Variants in ANK2 observed in about 807,000 individuals in gnomAD.
The protein encoded by ANK2 is ankyrin-2.
In ANK2, 83 loss-of-function variants were observed where a neutral mutation model predicts 360.5. That is an observed-to-expected ratio of 0.23 (90% CI 0.19 to 0.28). The LOEUF (loss-of-function observed/expected upper bound fraction) is 0.28. Among genes scored for constraint, ANK2 ranks in the 10% least tolerant of loss-of-function variants. The pLI, the probability that ANK2 is intolerant of heterozygous loss-of-function variation, is 1.00. For missense variants in ANK2, 4,201 were observed against 4,795.7 expected, an observed-to-expected ratio of 0.88 and a Z score of 3.66; for synonymous variants, 1,740 against 1,759.5, an observed-to-expected ratio of 0.99 and a Z score of 0.28.
chr4:112,711,213 G>A, the ANK2 span, among the ~76,000 whole-genome samples: 2 of 150,448 alleles, frequency 1.3e-5, no homozygotes, highest in Admixed American at 1.3e-4. Context: ...AAAAAAGTCA[G>A]GGTCTCTCTG....
the ANK2 span, among the ~76,000 whole-genome samples, chr4:112,707,004 C>T: frequency 6.6e-6 from 1 of 152,140 alleles, no homozygotes; most frequent in African/African-American, 2.4e-5. Flanking sequence ...AGCACCAGCA[C>T]CTTAGGTTAT....
chr4:113,277,187 G>C (rs2060538207), intron 15 of ANK2, among the ~76,000 whole-genome samples: 1 of 152,180 alleles, frequency 6.6e-6, no homozygotes, highest in African/African-American at 2.4e-5. Flanking sequence ...GTGTTAATCA[G>C]CCCAACATCA....
At chr4:112,888,392 C>T (rs1003592285) in intron 1 of ANK2, among the ~76,000 whole-genome samples, 2 of 152,092 alleles carry the variant, frequency 1.3e-5, no homozygotes, top group East Asian at 1.9e-4. Flanking sequence ...TGTATAACTA[C>T]TACAACCTTT....
At chr4:113,320,053 A>G (rs2085210338) in intron 26 of ANK2, among the ~76,000 whole-genome samples, 1 of 152,178 alleles carries the variant, frequency 6.6e-6, no homozygotes, top group Non-Finnish European at 1.5e-5. Context: ...AAAATAAATC[A>G]TTTATATTTT....
chr4:113,224,795 G>A (rs1159814934), intron 4 of ANK2, among the ~76,000 whole-genome samples: 2 of 151,558 alleles, frequency 1.3e-5, no homozygotes, highest in African/African-American at 4.8e-5. Flanking sequence ...ATCTTTAGCT[G>A]AGTGGTAATA....
At chr4:113,262,787 C>T (rs747839580) in intron 13 of ANK2, among the ~76,000 whole-genome samples, 29 of 150,754 alleles carry the variant, frequency 1.9e-4, no homozygotes, top group Admixed American at 1.8e-3. Context: ...GCAAATACTA[C>T]ACCATTTTAT....
intron 38 of ANK2, 126 bp downstream of exon 38, chr4:113,359,425 T>A: frequency 8.1e-7 from 1 of 1,228,884 alleles, no homozygotes; most frequent in Non-Finnish European, 1.1e-6. Context: ...GTGGCTAATG[T>A]GTTTGTGTAA....
chr4:112,915,844 G>A (rs1561081721), intron 2 of ANK2, among the ~76,000 whole-genome samples: 1 of 150,882 alleles, frequency 6.6e-6, no homozygotes, highest in Non-Finnish European at 1.5e-5. Flanking sequence ...CATTATTGAG[G>A]CTTTGCAATT....
chr4:113,185,428 T>G (rs1464751822), intron 2 of ANK2, among the ~76,000 whole-genome samples: 2 of 152,238 alleles, frequency 1.3e-5, no homozygotes, highest in African/African-American at 4.8e-5. Flanking sequence ...AGATGGTATC[T>G]CATTGTGGTT....
intron 1 of ANK2, among the ~76,000 whole-genome samples, chr4:113,133,577 T>A (rs904844119): frequency 6.6e-6 from 1 of 152,182 alleles, no homozygotes; most frequent in Non-Finnish European, 1.5e-5. Flanking sequence ...TGATTTGTAG[T>A]ATTTTTAACT....
chr4:113,335,538 T>G (rs2093406972), intron 29 of ANK2, among the ~76,000 whole-genome samples: 1 of 152,178 alleles, frequency 6.6e-6, no homozygotes, highest in South Asian at 2.1e-4. Context: ...CCCTCATGCC[T>G]CTCATTTCAA....
chr4:113,123,011 G>T (rs1023124438), intron 1 of ANK2, among the ~76,000 whole-genome samples: 3 of 151,482 alleles, frequency 2.0e-5, no homozygotes, highest in African/African-American at 7.3e-5. Flanking sequence ...GTGCAATTGT[G>T]GCAAAAATAG....
At chr4:113,182,424 A>G (rs563837802) in intron 2 of ANK2, among the ~76,000 whole-genome samples, 5 of 152,306 alleles carry the variant, frequency 3.3e-5, no homozygotes, top group African/African-American at 9.6e-5. Context: ...GATAGTATTC[A>G]AAACCGTGTT....
Position 112,967,690 on chromosome 4 carries a change from A to G in ANK2, c.21+63176A>G, listed in dbSNP as rs17045172. On this transcript the variant is annotated intron_variant, in intron 2 of 30. Transcript: ENST00000503271. ...TAAAAAAATCCTGTCAAATCCGTAT[A>G]TTTTTGATGTTATATCAGTTTTTAT... Among the ~76,000 whole-genome samples, 945 of 152,284 alleles carry G rather than the reference A, an allele frequency of 6.2e-3. 7 individuals carry two copies. The highest frequency in any genetic ancestry group is 0.021 in the African/African-American group (858 of 41,552).
At chr4:113,146,382 A>G (rs2096836440) in intron 1 of ANK2, among the ~76,000 whole-genome samples, 1 of 152,176 alleles carries the variant, frequency 6.6e-6, no homozygotes, top group Non-Finnish European at 1.5e-5. Context: ...ATTCATGTAT[A>G]GTTCGTTTCT....
the ANK2 span, among the ~76,000 whole-genome samples, chr4:112,810,967 GC>G: frequency 1.6e-5 from 2 of 126,236 alleles, no homozygotes; most frequent in African/African-American, 5.9e-5. Flanking sequence ...AATGAGTCTT[GC>G]TCTGTCGCCC....
intron 2 of ANK2, among the ~76,000 whole-genome samples, chr4:113,192,090 T>G (rs2098674541): frequency 6.6e-6 from 1 of 152,172 alleles, no homozygotes; most frequent in Non-Finnish European, 1.5e-5. Context: ...TTACTTTAAG[T>G]TCTGGGATAC....
At chr4:113,181,690 C>T (rs1324532050) in intron 2 of ANK2, among the ~76,000 whole-genome samples, 2 of 152,096 alleles carry the variant, frequency 1.3e-5, no homozygotes, top group Admixed American at 6.5e-5. Context: ...GCAAGGAGGC[C>T]GTGCATGCTG....
At chr4:113,085,786 A>T (rs754942127) in intron 1 of ANK2, among the ~76,000 whole-genome samples, 1 of 152,154 alleles carries the variant, frequency 6.6e-6, no homozygotes, top group Non-Finnish European at 1.5e-5. Flanking sequence ...CGGCCTGAGA[A>T]ATTTGGAGGA....
Sources: allele counts gnomAD v4.1 joint callset (sites outside exome capture counted in the v4.1 genomes callset), GRCh38; gene constraint gnomAD v4.1.1; transcripts MANE v1.5; gene names NCBI Gene and HGNC (gene_info 2026-07-23, HGNC 2026-07-21).